Variants in CDH18 observed in about 807,000 individuals in gnomAD.
CDH18 encodes the protein cadherin 18.
CDH18 carries 31 observed loss-of-function variants against 67.9 expected under a neutral mutation model. The observed-to-expected ratio is 0.46, with a 90% CI of 0.34 to 0.62. The LOEUF (loss-of-function observed/expected upper bound fraction) is 0.62. Among genes scored for constraint, CDH18 ranks in the 20% least tolerant of loss-of-function variants. The probability of loss-of-function intolerance (pLI) is 0.01; values close to 1 mark genes in which losing one functional copy is unlikely to be tolerated. For missense variants in CDH18, 890 were observed against 975.5 expected (o/e 0.91, Z 1.17); for synonymous variants, 362 against 347.2 (o/e 1.04, Z -0.48).
chr5:20,342,302 G>A (rs1280735997), intron 1 of CDH18, among the ~76,000 whole-genome samples: 4 of 152,082 alleles, frequency 2.6e-5, no homozygotes, highest in Non-Finnish European at 5.9e-5. Context: ...TTTGCCAGAA[G>A]GAACAGCTTC....
intron 2 of CDH18, among the ~76,000 whole-genome samples, chr5:20,005,710 T>C (rs1015629105): frequency 5.3e-5 from 8 of 151,910 alleles, no homozygotes; most frequent in Non-Finnish European, 1.2e-4. Flanking sequence ...AGAAAGACAC[T>C]GATGCAAACA....
chr5:19,969,153 C>G (rs1022715084), intron 2 of CDH18, among the ~76,000 whole-genome samples: 27 of 148,468 alleles, frequency 1.8e-4, no homozygotes, highest in African/African-American at 6.9e-4. Flanking sequence ...GATACCATCT[C>G]ACACCAGTTA....
At chr5:19,840,301 AC>A (rs1465728618) in intron 2 of CDH18, among the ~76,000 whole-genome samples, 65 of 140,726 alleles carry the variant, frequency 4.6e-4, no homozygotes, top group Admixed American at 2.7e-3. Flanking sequence ...AAAAAAAAAA[AC>A]AACACGTTGA....
rs1742146841 is a variant in CDH18, at chr5:20,362,246, A to G, written c.-579-106741T>C. On this transcript the variant is annotated intron_variant, in intron 1 of 14. Transcript: ENST00000507958. ...ACTATACTTGCAGCAAAACAAATGC[A>G]AAATACATAGTACACTGTGGCACAG... is the stretch of plus-strand genomic sequence containing the variant. Among the ~76,000 whole-genome samples the G allele has an allele frequency of 3.3e-5, 5 of 152,284 alleles. 2 individuals carry two copies. The highest frequency in any genetic ancestry group is 3.3e-4 in the Admixed American group (5 of 15,300).
chr5:19,641,542 G>A (rs1328412292), intron 5 of CDH18, among the ~76,000 whole-genome samples: 2 of 151,968 alleles, frequency 1.3e-5, no homozygotes, highest in East Asian at 3.8e-4. Flanking sequence ...TTTAACATAT[G>A]TAATACAACA....
chr5:20,473,441 T>C (rs1486998577), intron 1 of CDH18, among the ~76,000 whole-genome samples: 1 of 152,120 alleles, frequency 6.6e-6, no homozygotes, highest in Non-Finnish European at 1.5e-5. Context: ...CAGGTGTATT[T>C]TATAACATTA....
At chr5:20,013,970 T>C (rs192918604) in intron 2 of CDH18, among the ~76,000 whole-genome samples, 2 of 152,272 alleles carry the variant, frequency 1.3e-5, no homozygotes, top group Admixed American at 6.5e-5. Flanking sequence ...TTAAAGTCAA[T>C]AGATACCCTG....
chr5:19,806,891 T>C (rs1404077079), intron 3 of CDH18, among the ~76,000 whole-genome samples: 1 of 152,202 alleles, frequency 6.6e-6, no homozygotes, highest in African/African-American at 2.4e-5. Context: ...CATTAGCCTA[T>C]TTCCTCACTG....
At chr5:20,257,986 T>C (rs1016919475) in intron 1 of CDH18, among the ~76,000 whole-genome samples, 34 of 145,844 alleles carry the variant, frequency 2.3e-4, no homozygotes, top group African/African-American at 7.8e-4. Context: ...ATTTATTATA[T>C]AGGTCAGTAC....
intron 2 of CDH18, among the ~76,000 whole-genome samples, chr5:19,904,316 A>G (rs929561261): frequency 1.4e-5 from 2 of 144,506 alleles, no homozygotes; most frequent in African/African-American, 2.5e-5. Context: ...GAAAAAACGA[A>G]AAGAAAAGAA....
At chr5:20,478,023 T>A (rs1346454657) in intron 1 of CDH18, among the ~76,000 whole-genome samples, 1 of 152,062 alleles carries the variant, frequency 6.6e-6, no homozygotes, top group Non-Finnish European at 1.5e-5. Context: ...GCTGCATTGA[T>A]GGGAAGGACT....
chr5:19,491,297 T>C (rs1296378550), intron 11 of CDH18, among the ~76,000 whole-genome samples: 1 of 152,174 alleles, frequency 6.6e-6, no homozygotes, highest in Non-Finnish European at 1.5e-5. Context: ...GGATTATATG[T>C]GTGTTATTTT....
intron 1 of CDH18, among the ~76,000 whole-genome samples, chr5:20,550,349 G>A (rs1757564992): frequency 6.6e-6 from 1 of 152,152 alleles, no homozygotes; most frequent in Non-Finnish European, 1.5e-5. Context: ...ATAGAGTTGT[G>A]ACTATAAAGC....
chr5:20,137,290 C>G (rs1011188933), intron 2 of CDH18, among the ~76,000 whole-genome samples: 1 of 152,070 alleles, frequency 6.6e-6, no homozygotes, highest in Non-Finnish European at 1.5e-5. Context: ...TCTTTTTACT[C>G]TTTTTTCTCT....
intron 6 of CDH18, among the ~76,000 whole-genome samples, chr5:19,599,782 G>A (rs1478771653): frequency 6.6e-6 from 1 of 152,154 alleles, no homozygotes; most frequent in Admixed American, 6.5e-5. Flanking sequence ...GAAGATGCCT[G>A]TAGCTGAGGC....
chr5:19,941,569 C>T (rs1000930547), intron 2 of CDH18, among the ~76,000 whole-genome samples: 40 of 151,880 alleles, frequency 2.6e-4, no homozygotes, highest in African/African-American at 9.7e-4. Flanking sequence ...ATCATTTGAG[C>T]CTAGGAGTTT....
chr5:19,908,059 GTCT>G (rs34316791), intron 2 of CDH18, among the ~76,000 whole-genome samples: 26,606 of 151,908 alleles, frequency 0.18, 3,416 homozygotes, highest in African/African-American at 0.36. Flanking sequence ...TAAAAGGCTA[GTCT>G]TCTATTTGCT....
chr5:19,643,810 AAGATGAT>A (rs1220384332), intron 5 of CDH18, among the ~76,000 whole-genome samples: 1 of 152,194 alleles, frequency 6.6e-6, no homozygotes, highest in Non-Finnish European at 1.5e-5. Context: ...AAAATTTGAT[AAGATGAT>A]AGATCTTCAG....
chr5:19,670,126 T>C (rs1244749097), intron 5 of CDH18, among the ~76,000 whole-genome samples: 1 of 151,902 alleles, frequency 6.6e-6, no homozygotes, highest in East Asian at 1.9e-4. Flanking sequence ...ACAATACTCA[T>C]AGAGAAAATT....
Sources: gnomAD v4.1 joint callset for allele counts (sites outside exome capture counted in the v4.1 genomes callset) on GRCh38, gnomAD v4.1.1 for gene constraint, MANE v1.5 for transcripts, NCBI Gene and HGNC (gene_info 2026-07-23, HGNC 2026-07-21) for gene names.